DOP1A: variants seen among roughly 807,000 people sequenced by gnomAD.
The protein encoded by DOP1A is protein DOP1A.
In DOP1A, 90 loss-of-function variants were observed where a neutral mutation model predicts 267.6. The observed-to-expected ratio is 0.34, with a 90% CI of 0.28 to 0.40. The LOEUF (loss-of-function observed/expected upper bound fraction) is 0.40, where lower values mean the gene tolerates loss of function less well. Among genes scored for constraint, DOP1A ranks in the 10% least tolerant of loss-of-function variants. DOP1A has a pLI of 1.00. For missense variants in DOP1A, 2,437 were observed against 2,900.4 expected (o/e 0.84, Z 3.67); for synonymous variants, 932 against 999.1 (o/e 0.93, Z 1.27).
At chr6:83,128,818 G>C (rs1777590238) in intron 15 of DOP1A, 69 bp from the exon 16 acceptor site, 1 of 1,480,096 alleles carries the variant, frequency 6.8e-7, no homozygotes. Context: ...TCTCAAAAGT[G>C]GTCATTTCTA....
At chr6:83,103,891 C>A (rs897244460) in intron 4 of DOP1A, among the ~76,000 whole-genome samples, 2 of 152,108 alleles carry the variant, frequency 1.3e-5, no homozygotes, top group African/African-American at 4.8e-5. Flanking sequence ...TCCCTCCTAC[C>A]CCCTTCTAGT....
chr6:83,068,109 G>T lies in DOP1A; in HGVS notation c.-147+330G>T, dbSNP rs1305221180. Among the ~76,000 whole-genome samples the T allele has an allele frequency of 2.6e-5, 4 of 152,352 alleles. No homozygotes were observed. The East Asian group carries it at 5.8e-4, about 22-fold the overall frequency. ...CAGGTCCCGAGCCTCCCCTGCTGGGGCGGAGCGGTGCGCAAGGCTGGGGCA... is the reference window on the plus strand; with the variant it reads ...CAGGTCCCGAGCCTCCCCTGCTGGGTCGGAGCGGTGCGCAAGGCTGGGGCA... On this transcript the variant is annotated intron_variant, in intron 1 of 38. Coordinates refer to ENST00000349129, the MANE Select transcript of DOP1A (RefSeq NM_015018.4).
At chr6:83,171,301 AT>A (rs943100841), downstream of DOP1A, 2 of 152,154 alleles carry the variant, frequency 1.3e-5, no homozygotes, top group African/African-American at 4.8e-5. Context: ...TCTATTTTTA[AT>A]TTTTTTATAT....
Position 83,118,880 on chromosome 6 carries a change from T to C in DOP1A, c.781-8T>C. 1 of 1,612,848 alleles carries C rather than the reference T, an allele frequency of 6.2e-7. No homozygotes were observed. Among genetic ancestry groups the C allele is most frequent in the South Asian group, 1.1e-5 (1 of 90,818 alleles). ...TGCTAAGTACAACCATATTCCTAAC[T>C]CTTTCAGGCCACTCGACCGGATATG... On this transcript the variant is annotated splice_region_variant and splice_polypyrimidine_tract_variant and intron_variant, in intron 7 of 38. Coordinates refer to ENST00000349129, the MANE Select transcript of DOP1A (RefSeq NM_015018.4).
intron 1 of DOP1A, among the ~76,000 whole-genome samples, chr6:83,077,503 CA>C (rs931127798): frequency 3.3e-5 from 5 of 150,212 alleles, no homozygotes. Flanking sequence ...ACCCTGTCTA[CA>C]AAAAAAAATT....
At chr6:83,101,188 T>C (rs1772512379) in intron 4 of DOP1A, among the ~76,000 whole-genome samples, 1 of 152,242 alleles carries the variant, frequency 6.6e-6, no homozygotes, top group East Asian at 1.9e-4. Flanking sequence ...ACTAATTTTT[T>C]TGTATTTTTA....
rs1186071182 is a variant in DOP1A, at chr6:83,161,721, T to C, written c.6963-1069T>C. Among the ~76,000 whole-genome samples the C allele has an allele frequency of 2.6e-5, 4 of 152,210 alleles. No homozygotes were observed. In the South Asian group the frequency reaches 6.2e-4, roughly 24 times the overall value. ...ACTTTTAGTAACAGAAGCATTCTTATTCTTGTTGGAAGTATACACTGATAT... is the reference window on the plus strand; with the variant it reads ...ACTTTTAGTAACAGAAGCATTCTTACTCTTGTTGGAAGTATACACTGATAT... On this transcript the variant is annotated intron_variant, in intron 37 of 38. Coordinates refer to ENST00000349129, the MANE Select transcript of DOP1A (RefSeq NM_015018.4).
At chr6:83,110,782 TTTGA>T (rs1226460990) in intron 6 of DOP1A, among the ~76,000 whole-genome samples, 6 of 152,166 alleles carry the variant, frequency 3.9e-5, no homozygotes, top group Non-Finnish European at 8.8e-5. Context: ...AATTAAACAA[TTTGA>T]TTGATCATAC....
chr6:83,146,793 A>G lies in DOP1A; in HGVS notation c.5677-443A>G, dbSNP rs149729664. Among the ~76,000 whole-genome samples the G allele has an allele frequency of 5.4e-3, 821 of 152,296 alleles. 10 individuals carry two copies. The highest frequency in any genetic ancestry group is 0.019 in the African/African-American group (784 of 41,572). On this transcript the variant is annotated intron_variant, in intron 25 of 38. Coordinates refer to ENST00000349129, the MANE Select transcript of DOP1A (RefSeq NM_015018.4). ...ATCTTTAATTTAGTGGCTATATTTA[A>G]AGCTCTTAGGAATTGATCACAAATT...
At chr6:83,168,500 ATTGG>A (rs753904790), downstream of DOP1A, 18 of 1,016,900 alleles carry the variant, frequency 1.8e-5, no homozygotes, top group Non-Finnish European at 2.1e-5. Context: ...TTCAATTAAG[ATTGG>A]TTGGGGATTT....
In DOP1A at chr6:83,159,508, C is replaced by A. The variant is rs559709828; in HGVS notation, c.6798-288C>A. On this transcript the variant is annotated intron_variant, in intron 36 of 38. Transcript: ENST00000349129. Reference sequence around the variant, plus strand: ...GTTTCATCATGTTGCCCAGGCTGGTCTCAAATTCCTGGGCTCAAACATTCC... The same window carrying A: ...GTTTCATCATGTTGCCCAGGCTGGTATCAAATTCCTGGGCTCAAACATTCC... Among the ~76,000 whole-genome samples, 64 of 151,698 alleles carry A rather than the reference C, an allele frequency of 4.2e-4. No individual in the cohort carries two copies. The South Asian group carries it at 8.8e-3, about 21-fold the overall frequency.
intron 20 of DOP1A, among the ~76,000 whole-genome samples, chr6:83,136,428 T>C (rs182213943): frequency 2.0e-5 from 3 of 152,218 alleles, no homozygotes; most frequent in Admixed American, 6.6e-5. Context: ...CCCCTTAGAT[T>C]AATTTATTTC....
At chr6:83,080,132 ATGTT>A (rs1767837443) in intron 1 of DOP1A, among the ~76,000 whole-genome samples, 1 of 152,210 alleles carries the variant, frequency 6.6e-6, no homozygotes, top group Non-Finnish European at 1.5e-5. Flanking sequence ...GCCATCTAAA[ATGTT>A]TGTTTCATTT....
chr6:83,151,817 CTA>C (rs746921262), intron 28 of DOP1A, 64 bp from the exon 29 acceptor site: 83 of 1,510,036 alleles, frequency 5.5e-5, no homozygotes, highest in Non-Finnish European at 7.5e-5. Context: ...GAAATATAAA[CTA>C]CAGAAGTTCA....
chr6:83,169,812 A>C (rs1786715598), downstream of DOP1A: 1 of 457,402 alleles, frequency 2.2e-6, no homozygotes, highest in Non-Finnish European at 4.4e-6. Flanking sequence ...GAGGCCAAAT[A>C]ATAAAAATCC....
At position 83,134,207 on chromosome 6, in the gene DOP1A, T is replaced by C; in HGVS notation, c.2790T>C (p.His930=). ...HKDKKIRMEA[H]AKFAVLWHLT... is the part of the protein sequence containing the mutation. ...CTCAGAAAATAAGGATGGAAGCACA[T>C]GCCAAGTTTGCAGTTCTTTGGCATC... The change falls in exon 19 of 39, where the codon CAT becomes CAC. Residue 930 remains histidine (H), a synonymous_variant. Coordinates refer to ENST00000349129, the MANE Select transcript of DOP1A (RefSeq NM_015018.4). The C allele has an allele frequency of 6.2e-7, 1 of 1,612,882 alleles. No homozygotes were observed. The highest frequency in any genetic ancestry group is 1.3e-5 in the African/African-American group (1 of 74,998).
At chr6:83,165,005 C>T (rs1345855399) in intron 38 of DOP1A, 3 of 313,398 alleles carry the variant, frequency 9.6e-6, no homozygotes, top group Non-Finnish European at 1.7e-5. Flanking sequence ...CTTAAAGGCT[C>T]ATCTTGATAG....
chr6:83,093,814 G>A (rs1181015470), intron 1 of DOP1A, among the ~76,000 whole-genome samples: 2 of 152,228 alleles, frequency 1.3e-5, no homozygotes, highest in African/African-American at 2.4e-5. Flanking sequence ...GCTGAAGCAG[G>A]AGAATCGCTT....
At position 83,140,067 on chromosome 6, in the gene DOP1A, A is replaced by G. The variant is rs1204347224; in HGVS notation, c.5188A>G (p.Ile1730Val). 6 of 1,613,730 alleles carry G rather than the reference A, an allele frequency of 3.7e-6. No individual in the cohort carries two copies. The highest frequency in any genetic ancestry group is 4.2e-6 in the Non-Finnish European group (5 of 1,179,780). ...ILTLLEGITA[I>V]IHYCLLDPTT... ...TACTCTTTTGGAAGGGATTACAGCC[A>G]TTATCCATTACTGTTTGTTGGATCC... Residue 1730 changes from isoleucine to valine, a missense_variant, in exon 22 of 39, where the codon ATT becomes GTT. This residue lies in a region of DOP1A where 307 missense variants were observed against 308.6 expected (regional missense o/e 0.99). Transcript: ENST00000349129.
Sources: allele counts gnomAD v4.1 joint callset (sites outside exome capture counted in the v4.1 genomes callset), GRCh38; gene constraint gnomAD v4.1.1; regional missense constraint gnomAD v4.1.1; transcripts MANE v1.5; gene names NCBI Gene and HGNC (gene_info 2026-07-23, HGNC 2026-07-21).